LINGO2: variants seen among roughly 807,000 people sequenced by gnomAD.
LINGO2 encodes the protein leucine-rich repeat and immunoglobulin-like domain-containing nogo receptor-interacting protein 2.
A neutral mutation model predicts 30.6 loss-of-function variants in LINGO2; 14 were observed. That is an observed-to-expected ratio of 0.46 (90% CI 0.30 to 0.72). LINGO2 has a LOEUF of 0.72. LINGO2 is among the 30% of genes least tolerant of loss of function. The pLI is 0.07. For synonymous variants in LINGO2, 317 were observed against 288.5 expected (o/e 1.10, Z -1.00); for missense variants, 729 against 751.7 (o/e 0.97, Z 0.35).
At chr9:28,743,483 T>C in the LINGO2 span, among the ~76,000 whole-genome samples, 1 of 151,982 alleles carries the variant, frequency 6.6e-6, no homozygotes, top group Non-Finnish European at 1.5e-5. Flanking sequence ...GGTTTCCAGC[T>C]TCATCCATGT....
intron 1 of LINGO2, among the ~76,000 whole-genome samples, chr9:28,614,149 G>T: frequency 6.6e-6 from 1 of 152,020 alleles, no homozygotes; most frequent in African/African-American, 2.4e-5. Flanking sequence ...TCTTAAGTCT[G>T]TATGTCTTTG....
chr9:28,081,918 T>C (rs1451624926), intron 4 of LINGO2, among the ~76,000 whole-genome samples: 5 of 152,286 alleles, frequency 3.3e-5, no homozygotes, highest in Admixed American at 3.3e-4. Flanking sequence ...AGAATTAATA[T>C]ACAGTGAAAC....
chr9:28,303,739 T>C (rs535470441), intron 3 of LINGO2, among the ~76,000 whole-genome samples: 101 of 152,186 alleles, frequency 6.6e-4, no homozygotes, highest in African/African-American at 2.4e-3. Context: ...TTATGGGTTA[T>C]CATAAAGGTC....
chr9:29,104,985 C>T, the LINGO2 span, among the ~76,000 whole-genome samples: 3 of 152,136 alleles, frequency 2.0e-5, no homozygotes, highest in African/African-American at 4.8e-5. Context: ...GACTCTGGAA[C>T]GCAATGGGTT....
rs565690831 is a variant in LINGO2 at position 28,414,424 on chromosome 9, AC to A, written c.-278-41557del. ...CAAATTTTAACACATATTTTCCCTC[AC>A]CATGTGCTTGCAAGTCTTCAAAACC... On this transcript the variant is annotated intron_variant, in intron 2 of 5. Coordinates refer to ENST00000379992, the Ensembl canonical transcript of LINGO2. Among the ~76,000 whole-genome samples, 189 of 152,214 alleles carry A rather than the reference AC, an allele frequency of 1.2e-3. 1 individual carries two copies. In the Middle Eastern group the frequency reaches 0.024, roughly 19 times the overall value.
chr9:28,202,568 C>T (rs564046399), intron 4 of LINGO2, among the ~76,000 whole-genome samples: 12 of 152,046 alleles, frequency 7.9e-5, no homozygotes, highest in South Asian at 2.1e-4. Flanking sequence ...CCGTCCCCCC[C>T]GCCAGAAAGG....
chr9:29,143,222 A>G, the LINGO2 span, among the ~76,000 whole-genome samples: 1 of 152,068 alleles, frequency 6.6e-6, no homozygotes, highest in Admixed American at 6.6e-5. Context: ...AAGACTTACT[A>G]TTGTTACTGT....
chr9:27,983,706 G>A (rs937806431), intron 5 of LINGO2, among the ~76,000 whole-genome samples: 6 of 151,822 alleles, frequency 4.0e-5, no homozygotes, highest in African/African-American at 1.4e-4. Flanking sequence ...CACAGAAAAA[G>A]GTGAGAATAA....
chr9:28,998,384 G>C, the LINGO2 span, among the ~76,000 whole-genome samples: 4 of 152,008 alleles, frequency 2.6e-5, no homozygotes, highest in African/African-American at 9.7e-5. Context: ...TGCCATGTTT[G>C]CTTTAATTAT....
In LINGO2 at chr9:27,955,935, C is replaced by CT. The variant is rs532878364; in HGVS notation, c.-35-5230dup. ...ATATCCCCTTCGACATGGATACTGA[C>CT]TTTTTTTTTTTTTTTTTTTTTGAGA... is the stretch of plus-strand genomic sequence containing the variant. On this transcript the variant is annotated intron_variant, in intron 5 of 5. Coordinates refer to ENST00000379992, the Ensembl canonical transcript of LINGO2. Among the ~76,000 whole-genome samples the CT allele has an allele frequency of 4.7e-3, 499 of 106,752 alleles. 19 individuals are homozygous for CT. Among genetic ancestry groups the CT allele is most frequent in the East Asian group, 0.024 (84 of 3,464 alleles). 70.0% of individuals were successfully genotyped at this position (106,752 alleles called of 152,430 possible). A position where few individuals can be genotyped will look rare whatever the true frequency, so the allele number is the denominator to read the frequency against.
At chr9:28,761,281 G>A in the LINGO2 span, among the ~76,000 whole-genome samples, 1,575 of 151,864 alleles carry the variant, frequency 0.01, 37 homozygotes, top group African/African-American at 0.036. Flanking sequence ...CAAAATTATC[G>A]CTATTTATAG....
chr9:27,945,141 G>A (rs1369854978), downstream of LINGO2, among the ~76,000 whole-genome samples: 1 of 152,080 alleles, frequency 6.6e-6, no homozygotes, highest in South Asian at 2.1e-4. Flanking sequence ...TAAAACAAAT[G>A]TCTTGACACA....
the LINGO2 span, among the ~76,000 whole-genome samples, chr9:29,080,150 A>G: frequency 2.4e-3 from 366 of 152,220 alleles, 1 homozygote; most frequent in Non-Finnish European, 4.4e-3. Flanking sequence ...CAGGGATTCA[A>G]CTTCTTCCTG....
the LINGO2 span, among the ~76,000 whole-genome samples, chr9:28,978,730 T>A: frequency 6.6e-6 from 1 of 151,894 alleles, no homozygotes; most frequent in African/African-American, 2.4e-5. Flanking sequence ...TGCCAAGCAT[T>A]ACAACTGAGT....
intron 1 of LINGO2, among the ~76,000 whole-genome samples, chr9:28,615,952 A>T (rs1017353340): frequency 2.6e-5 from 4 of 152,184 alleles, no homozygotes; most frequent in South Asian, 4.1e-4. Flanking sequence ...AAAAAACTGG[A>T]GAAACTAAGC....
At chr9:28,523,395 T>C (rs747747781) in intron 1 of LINGO2, among the ~76,000 whole-genome samples, 12 of 152,126 alleles carry the variant, frequency 7.9e-5, no homozygotes, top group Non-Finnish European at 1.5e-4. Context: ...TGACCAGAGA[T>C]AAGACAAGGA....
chr9:28,854,736 C>A, the LINGO2 span, among the ~76,000 whole-genome samples: 2 of 151,644 alleles, frequency 1.3e-5, no homozygotes, highest in African/African-American at 2.4e-5. Flanking sequence ...TGACTAAAAC[C>A]AAAAATAAAT....
intron 4 of LINGO2, among the ~76,000 whole-genome samples, chr9:28,102,794 C>G (rs1383148450): frequency 6.6e-6 from 1 of 152,064 alleles, no homozygotes; most frequent in Non-Finnish European, 1.5e-5. Context: ...ATAGCTTGTA[C>G]CTACTATGAC....
rs1276972929 is a variant in LINGO2 at position 28,557,542 on chromosome 9, G to C, written c.-364-81517C>G. 2.0e-5 allele frequency among the ~76,000 whole-genome samples: 3 copies of C among 152,096 alleles called. No homozygotes were observed. The East Asian group carries it at 5.8e-4, about 29-fold the overall frequency. ...GGAGAAATAGGAACACTTTTACACT[G>C]TTGGTGCGACTGTAAACTAGTTCAA... On this transcript the variant is annotated intron_variant, in intron 1 of 5. Transcript: ENST00000379992.
Sources: gnomAD v4.1 joint callset for allele counts (sites outside exome capture counted in the v4.1 genomes callset) on GRCh38, gnomAD v4.1.1 for gene constraint, MANE v1.5 for transcripts, NCBI Gene and HGNC (gene_info 2026-07-23, HGNC 2026-07-21) for gene names.